Variants in ABTB2 observed in about 807,000 individuals in gnomAD.
ABTB2 encodes the protein ankyrin repeat and BTB domain containing 2.
In ABTB2, 56 loss-of-function variants were observed where a neutral mutation model predicts 104.1. The observed-to-expected ratio is 0.54, with a 90% CI of 0.43 to 0.67. The LOEUF (loss-of-function observed/expected upper bound fraction) is 0.67. Among genes scored for constraint, ABTB2 ranks in the 30% least tolerant of loss-of-function variants. The pLI is 0.00. For missense variants in ABTB2, 1,279 were observed against 1,407.7 expected (o/e 0.91, Z 1.46); for synonymous variants, 606 against 608.2 (o/e 1.00, Z 0.05).
intron 1 of ABTB2, among the ~76,000 whole-genome samples, chr11:34,210,588 C>T (rs919393719): frequency 9.2e-5 from 14 of 152,154 alleles, no homozygotes; most frequent in African/African-American, 2.9e-4. Context: ...CCATTACGAG[C>T]GCTCTCCCCA....
chr11:34,231,448 C>T (rs907861151), intron 1 of ABTB2, among the ~76,000 whole-genome samples: 8 of 152,116 alleles, frequency 5.3e-5, no homozygotes, highest in Admixed American at 6.5e-5. Flanking sequence ...ACAGAGTGGA[C>T]GTGGCCTGAG....
In ABTB2 at chr11:34,190,957, C is replaced by T. The variant is rs116104800; in HGVS notation, c.1244+6368G>A. Among the ~76,000 whole-genome samples the T allele has an allele frequency of 2.5e-3, 383 of 152,232 alleles. 3 individuals are homozygous for T. The highest frequency in any genetic ancestry group is 8.9e-3 in the African/African-American group (371 of 41,540). On this transcript the variant is annotated intron_variant, in intron 3 of 16. Transcript: ENST00000435224. The stretch of plus-strand genomic sequence containing the variant: ...GCTTTACTGTATTATCTCATTTAAC[C>T]GTAGAAGCCATACTACTATCTTCAC...
chr11:34,249,878 G>A (rs567488191), intron 1 of ABTB2, among the ~76,000 whole-genome samples: 1 of 152,320 alleles, frequency 6.6e-6, no homozygotes, highest in African/African-American at 2.4e-5. Context: ...TCACAGTCCT[G>A]TTCTCACAAA....
chr11:34,307,974 G>A (rs910587371), intron 1 of ABTB2, among the ~76,000 whole-genome samples: 1 of 152,214 alleles, frequency 6.6e-6, no homozygotes, highest in Non-Finnish European at 1.5e-5. Flanking sequence ...GGGATTACAG[G>A]CGTGAGCCAC....
chr11:34,285,953 T>C (rs1854500003), intron 1 of ABTB2, among the ~76,000 whole-genome samples: 2 of 152,204 alleles, frequency 1.3e-5, no homozygotes, highest in African/African-American at 4.8e-5. Context: ...TCTTGGTACA[T>C]TGCCCAAATA....
At chr11:34,330,940 C>A (rs1158840618) in intron 1 of ABTB2, among the ~76,000 whole-genome samples, 2 of 152,194 alleles carry the variant, frequency 1.3e-5, no homozygotes, top group African/African-American at 2.4e-5. Flanking sequence ...CTTCTTTTAA[C>A]AACTTCATGG....
At chr11:34,289,967 C>G (rs939851274) in intron 1 of ABTB2, among the ~76,000 whole-genome samples, 13 of 152,258 alleles carry the variant, frequency 8.5e-5, no homozygotes, top group African/African-American at 3.1e-4. Context: ...AACTATAGTC[C>G]TCACTCTCCC....
intron 1 of ABTB2, among the ~76,000 whole-genome samples, chr11:34,226,204 T>TA (rs34915007): frequency 0.15 from 12,106 of 79,402 alleles, 1,201 homozygotes; most frequent in East Asian, 0.31. Context: ...GAGAGTCCAT[T>TA]AAAAAAAAAA....
At position 34,158,337 on chromosome 11, in the gene ABTB2, C is replaced by T. The variant is rs571816857; in HGVS notation, c.2697+959G>A. On this transcript the variant is annotated intron_variant, in intron 14 of 16. Coordinates refer to ENST00000435224, the MANE Select transcript of ABTB2 (RefSeq NM_145804.3). Reference sequence around the variant, plus strand: ...GTGAGGCAGGAGAATGGCGTGAACCCGGGAGGTGGAGCTTGCAGTGAGCCG... The same window carrying T: ...GTGAGGCAGGAGAATGGCGTGAACCTGGGAGGTGGAGCTTGCAGTGAGCCG... 3.0e-4 allele frequency among the ~76,000 whole-genome samples: 45 copies of T among 152,178 alleles called. 3 individuals carry two copies. In the South Asian group the frequency reaches 8.9e-3, roughly 30 times the overall value.
At chr11:34,309,117 A>C (rs1479213918) in intron 1 of ABTB2, among the ~76,000 whole-genome samples, 1 of 152,206 alleles carries the variant, frequency 6.6e-6, no homozygotes, top group African/African-American at 2.4e-5. Context: ...GCCTCTACTT[A>C]TACAGGTTGC....
chr11:34,244,728 T>C (rs1213814381), intron 1 of ABTB2, among the ~76,000 whole-genome samples: 3 of 152,128 alleles, frequency 2.0e-5, no homozygotes, highest in Non-Finnish European at 2.9e-5. Context: ...ACTGCGATTC[T>C]AGGGTCCCTT....
At chr11:34,261,292 TG>T (rs1333104199) in intron 1 of ABTB2, among the ~76,000 whole-genome samples, 8 of 152,208 alleles carry the variant, frequency 5.3e-5, no homozygotes, top group Admixed American at 4.6e-4. Flanking sequence ...GAGTACACAG[TG>T]TCACAGCTGT....
At position 34,357,255 on chromosome 11, in the gene ABTB2, T is replaced by C. The variant is rs2133133482; in HGVS notation, c.329A>G (p.Lys110Arg). 1 of 1,496,212 alleles carries C rather than the reference T, an allele frequency of 6.7e-7. No individual in the cohort carries two copies. The allele number at this position is 1,496,212 out of a possible 1,614,324, so 92.7% of individuals were successfully genotyped here. ...TEGDVARVLR[K>R]GAGGRRLPQF... is the part of the protein sequence containing the mutation. ...GGGCAGCCGCCGGCCGCCAGCGCCT[T>C]TGCGGAGCACCCGGGCCACGTCTCC... Residue 110 changes from lysine (K) to arginine (R), a missense_variant, in exon 1 of 17, where the codon AAA (lysine) becomes AGA (arginine). By Grantham distance (26) the Lys-to-Arg change is conservative. Coordinates refer to ENST00000435224, the MANE Select transcript of ABTB2 (RefSeq NM_145804.3).
At chr11:34,191,295 G>A (rs933234333) in intron 3 of ABTB2, among the ~76,000 whole-genome samples, 11 of 152,308 alleles carry the variant, frequency 7.2e-5, no homozygotes, top group African/African-American at 2.4e-4. Context: ...CCAGGTGTGC[G>A]TTTCCAACAA....
intron 1 of ABTB2, among the ~76,000 whole-genome samples, chr11:34,274,430 T>C (rs1854358235): frequency 6.6e-6 from 1 of 152,080 alleles, no homozygotes; most frequent in Non-Finnish European, 1.5e-5. Flanking sequence ...CACCAGAGAC[T>C]GCAGTTCCTC....
chr11:34,274,297 A>G (rs1252304521), intron 1 of ABTB2, among the ~76,000 whole-genome samples: 2 of 152,040 alleles, frequency 1.3e-5, no homozygotes, highest in Non-Finnish European at 2.9e-5. Flanking sequence ...CTTTCTTACA[A>G]TAAGTAAAAG....
At chr11:34,355,582 G>C (rs1445139706) in intron 1 of ABTB2, among the ~76,000 whole-genome samples, 2 of 152,192 alleles carry the variant, frequency 1.3e-5, no homozygotes, top group East Asian at 3.8e-4. Flanking sequence ...TTATGATTAT[G>C]TTAAACCATG....
intron 14 of ABTB2, among the ~76,000 whole-genome samples, chr11:34,156,638 C>T (rs1388150705): frequency 1.3e-5 from 2 of 152,086 alleles, no homozygotes; most frequent in Non-Finnish European, 2.9e-5. Flanking sequence ...ATCCTCCTGC[C>T]TCAGCCTCCC....
chr11:34,300,072 C>G (rs1854682016), intron 1 of ABTB2, among the ~76,000 whole-genome samples: 1 of 152,188 alleles, frequency 6.6e-6, no homozygotes, highest in African/African-American at 2.4e-5. Flanking sequence ...GGAATACCTT[C>G]AAGGTGAGGA....
Sources: allele counts gnomAD v4.1 joint callset (sites outside exome capture counted in the v4.1 genomes callset), GRCh38; gene constraint gnomAD v4.1.1; transcripts MANE v1.5; gene names NCBI Gene and HGNC (gene_info 2026-07-23, HGNC 2026-07-21).